The following NKAIN2 variants were observed in gnomAD, a reference collection of about 807,000 sequenced individuals.
The protein encoded by NKAIN2 is sodium/potassium-transporting ATPase subunit beta-1-interacting protein 2.
In NKAIN2, 14 loss-of-function variants were observed where a neutral mutation model predicts 32.6. The ratio of observed to expected loss-of-function variants is 0.43; its 90% CI spans 0.28 to 0.67. The LOEUF (loss-of-function observed/expected upper bound fraction) is 0.67, where lower values mean the gene tolerates loss of function less well. NKAIN2 is among the 30% of genes least tolerant of loss of function. The pLI is 0.17. For synonymous variants in NKAIN2, 80 were observed against 87.2 expected, an observed-to-expected ratio of 0.92 and a Z score of 0.46; for missense variants, 198 against 258.3, an observed-to-expected ratio of 0.77 and a Z score of 1.60.
At chr6:124,184,463 C>T (rs1789606122) in intron 1 of NKAIN2, among the ~76,000 whole-genome samples, 1 of 152,096 alleles carries the variant, frequency 6.6e-6, no homozygotes, top group African/African-American at 2.4e-5. Context: ...CCTCATAAGT[C>T]ATTTGGCACT....
At chr6:124,129,396 C>T (rs1786342182) in intron 1 of NKAIN2, among the ~76,000 whole-genome samples, 1 of 152,122 alleles carries the variant, frequency 6.6e-6, no homozygotes, top group South Asian at 2.1e-4. Context: ...GATGTGCCTA[C>T]AAAGCTATGG....
At chr6:124,700,020 A>G (rs1353414722) in intron 4 of NKAIN2, among the ~76,000 whole-genome samples, 1 of 152,214 alleles carries the variant, frequency 6.6e-6, no homozygotes. Context: ...AGTAAGATTT[A>G]GAATCCAGCA....
intron 1 of NKAIN2, among the ~76,000 whole-genome samples, chr6:124,111,153 A>G (rs1785367731): frequency 6.6e-6 from 1 of 152,130 alleles, no homozygotes; most frequent in Non-Finnish European, 1.5e-5. Flanking sequence ...CTCTGGAGAA[A>G]GATGCATGTC....
Position 124,244,682 on chromosome 6 carries a change from T to G in NKAIN2, c.55-38323T>G, listed in dbSNP as rs62434678. Among the ~76,000 whole-genome samples, 3 of 152,160 alleles carry G rather than the reference T, an allele frequency of 2.0e-5. No homozygotes were observed. The East Asian group carries it at 5.8e-4, about 29-fold the overall frequency. ...TTCTAACAATTTACCATGTTGCCCCTCAAACACAAAAACTTAAGCACCGTA... is the reference window on the plus strand; with the variant it reads ...TTCTAACAATTTACCATGTTGCCCCGCAAACACAAAAACTTAAGCACCGTA... On this transcript the variant is annotated intron_variant, in intron 1 of 6. Coordinates refer to ENST00000368417, the MANE Select transcript of NKAIN2 (RefSeq NM_001040214.3).
In NKAIN2 at chr6:124,767,250, T is replaced by C. The variant is rs1272946943; in HGVS notation, c.475-24089T>C. Reference sequence around the variant, plus strand: ...ATCCTATGCTTAAGTAATTTCTGATTTATACTAGATACTATAAATAATATT... The same window carrying C: ...ATCCTATGCTTAAGTAATTTCTGATCTATACTAGATACTATAAATAATATT... On this transcript the variant is annotated intron_variant, in intron 4 of 6. Coordinates refer to ENST00000368417, the MANE Select transcript of NKAIN2 (RefSeq NM_001040214.3). Among the ~76,000 whole-genome samples the C allele has an allele frequency of 2.0e-5, 3 of 151,960 alleles. No homozygotes were observed. In the East Asian group the frequency reaches 5.8e-4, roughly 29 times the overall value.
intron 3 of NKAIN2, among the ~76,000 whole-genome samples, chr6:124,525,031 G>T (rs1159375779): frequency 6.6e-6 from 1 of 152,134 alleles, no homozygotes; most frequent in Non-Finnish European, 1.5e-5. Flanking sequence ...GCAGTAAAGC[G>T]ATACAATTGG....
intron 1 of NKAIN2, among the ~76,000 whole-genome samples, chr6:124,075,722 A>C (rs1783667370): frequency 6.6e-6 from 1 of 152,114 alleles, no homozygotes; most frequent in South Asian, 2.1e-4. Flanking sequence ...CAGCCTCCCA[A>C]GTAGCTGGGA....
intron 1 of NKAIN2, among the ~76,000 whole-genome samples, chr6:124,269,615 C>T (rs949494015): frequency 7.9e-5 from 12 of 151,892 alleles, no homozygotes; most frequent in Admixed American, 3.3e-4. Context: ...TTACAGGTGC[C>T]TGCCACCACA....
chr6:123,950,387 T>C (rs886872288), intron 1 of NKAIN2, among the ~76,000 whole-genome samples: 1 of 152,064 alleles, frequency 6.6e-6, no homozygotes, highest in Non-Finnish European at 1.5e-5. Flanking sequence ...TAGTTCTTCT[T>C]TGAAAGTTTG....
chr6:124,238,263 A>C (rs802300), intron 1 of NKAIN2, among the ~76,000 whole-genome samples: 104,907 of 151,932 alleles, frequency 0.69, 36,356 homozygotes, highest in South Asian at 0.76. Context: ...TTCAAGATGA[A>C]AGTTTTGAAT....
chr6:124,497,962 T>G (rs1778131509), intron 3 of NKAIN2, among the ~76,000 whole-genome samples: 1 of 152,042 alleles, frequency 6.6e-6, no homozygotes, highest in African/African-American at 2.4e-5. Context: ...ATGTCTAAAA[T>G]GTAAACATAA....
At chr6:124,379,530 G>A (rs576071940) in intron 3 of NKAIN2, among the ~76,000 whole-genome samples, 21 of 152,078 alleles carry the variant, frequency 1.4e-4, no homozygotes, top group Non-Finnish European at 1.9e-4. Context: ...AATTGGCCCC[G>A]ATACAGGTTT....
rs1299847414 is a variant in NKAIN2, at chr6:124,730,417, C to T, written c.475-60922C>T. Among the ~76,000 whole-genome samples, 5 of 95,376 alleles carry T rather than the reference C, an allele frequency of 5.2e-5. 1 individual carries two copies. The highest frequency in any genetic ancestry group is 4.2e-5 in the Non-Finnish European group (2 of 47,518). 62.6% of individuals were successfully genotyped at this position (95,376 alleles called of 152,430 possible). On this transcript the variant is annotated intron_variant, in intron 4 of 6. Transcript: ENST00000368417. ...CAGAAATAACGCCGCATATCTAAAA[C>T]TATCTGATCTTTGACAAACCTGAGA...
intron 2 of NKAIN2, among the ~76,000 whole-genome samples, chr6:124,290,517 T>TGTGTGTGC (rs1243137520): frequency 1.7e-5 from 2 of 118,016 alleles, no homozygotes; most frequent in African/African-American, 9.0e-5. Flanking sequence ...GAAATGTGTG[T>TGTGTGTGC]GTGTGTGTGT....
chr6:124,633,055 C>G (rs1052467381), intron 3 of NKAIN2, among the ~76,000 whole-genome samples: 1 of 152,070 alleles, frequency 6.6e-6, no homozygotes, highest in Non-Finnish European at 1.5e-5. Context: ...CCACCATTTT[C>G]TATTCTAGTG....
chr6:123,952,107 G>A (rs774209614), intron 1 of NKAIN2, among the ~76,000 whole-genome samples: 12 of 151,898 alleles, frequency 7.9e-5, no homozygotes, highest in South Asian at 2.1e-4. Context: ...ATAATCTTAC[G>A]TTTTGCTTGT....
intron 1 of NKAIN2, among the ~76,000 whole-genome samples, chr6:123,910,618 C>T (rs1775132028): frequency 6.6e-6 from 1 of 151,040 alleles, no homozygotes; most frequent in Non-Finnish European, 1.5e-5. Context: ...ATTCTCCTGC[C>T]TCAGCCTCCT....
chr6:123,816,421 G>A (rs930538720), intron 1 of NKAIN2, among the ~76,000 whole-genome samples: 3 of 152,252 alleles, frequency 2.0e-5, no homozygotes, highest in South Asian at 2.1e-4. Context: ...CAAGCCCTGT[G>A]GGGAATGTGA....
At chr6:124,102,934 G>A (rs548387555) in intron 1 of NKAIN2, among the ~76,000 whole-genome samples, 1 of 151,832 alleles carries the variant, frequency 6.6e-6, no homozygotes, top group Admixed American at 6.6e-5. Flanking sequence ...TTTTTTGATC[G>A]ATCGATTATC....
Sources: gnomAD v4.1 joint callset for allele counts (sites outside exome capture counted in the v4.1 genomes callset) on GRCh38, gnomAD v4.1.1 for gene constraint, MANE v1.5 for transcripts, NCBI Gene and HGNC (gene_info 2026-07-23, HGNC 2026-07-21) for gene names.